Variants in STAG1 observed in about 807,000 individuals in gnomAD.
STAG1 encodes STAG1 cohesin complex component, also known as cohesin subunit SA-1.
In STAG1, 26 loss-of-function variants were observed where a neutral mutation model predicts 170.9. The observed-to-expected ratio is 0.15, with a 90% confidence interval of 0.11 to 0.21. The LOEUF is 0.21. STAG1 is among the 10% of genes least tolerant of loss of function. The pLI, the probability that STAG1 is intolerant of heterozygous loss-of-function variation, is 1.00. For synonymous variants in STAG1, 514 were observed against 497.7 expected (o/e 1.03, Z -0.44); for missense variants, 964 against 1,509.5 (o/e 0.64, Z 5.99).
intron 1 of STAG1, among the ~76,000 whole-genome samples, chr3:136,719,877 CTT>C (rs1278512656): frequency 1.3e-5 from 2 of 152,078 alleles, no homozygotes; most frequent in African/African-American, 4.8e-5. Context: ...ACAAGTGGCT[CTT>C]TTAAAACTGA....
chr3:136,469,478 T>C (rs1353401669), intron 12 of STAG1, among the ~76,000 whole-genome samples: 273 of 141,806 alleles, frequency 1.9e-3, no homozygotes, highest in Admixed American at 2.9e-3. Flanking sequence ...CTCAATGAAA[T>C]AAAAGACGAC....
At chr3:136,637,954 G>C (rs1407558285) in intron 1 of STAG1, among the ~76,000 whole-genome samples, 1 of 151,360 alleles carries the variant, frequency 6.6e-6, no homozygotes, top group Non-Finnish European at 1.5e-5. Context: ...GCTCCCTGCA[G>C]CCTCCAACTC....
At chr3:136,361,381 C>T (rs1936857243) in intron 26 of STAG1, among the ~76,000 whole-genome samples, 2 of 152,118 alleles carry the variant, frequency 1.3e-5, no homozygotes, top group South Asian at 4.1e-4. Flanking sequence ...AATAAAACAT[C>T]TTTTACATAT....
chr3:136,733,288 G>A (rs550750958), intron 1 of STAG1, among the ~76,000 whole-genome samples: 1 of 151,818 alleles, frequency 6.6e-6, no homozygotes, highest in East Asian at 1.9e-4. Flanking sequence ...GTTTCGCTAT[G>A]TTGCCCAGGC....
At position 136,585,188 on chromosome 3, in the gene STAG1, T is replaced by C. The variant is rs1006826159; in HGVS notation, c.298-16327A>G. Among the ~76,000 whole-genome samples, 13 of 152,288 alleles carry C rather than the reference T, an allele frequency of 8.5e-5. No homozygotes were observed. In the East Asian group the frequency reaches 2.3e-3, roughly 27 times the overall value. ...TGGGAGCACTGGCTCACACCTATAA[T>C]CCCAGCAATTTGGGAGGCCAAGATG... On this transcript the variant is annotated intron_variant, in intron 4 of 33. Coordinates refer to ENST00000383202, the MANE Select transcript of STAG1 (RefSeq NM_005862.3).
At chr3:136,675,600 G>C (rs1942107194) in intron 1 of STAG1, among the ~76,000 whole-genome samples, 1 of 152,144 alleles carries the variant, frequency 6.6e-6, no homozygotes, top group Admixed American at 6.5e-5. Flanking sequence ...ATACAATATA[G>C]TAGGTTTACT....
chr3:136,454,820 AT>A, intron 13 of STAG1, among the ~76,000 whole-genome samples: 1 of 152,284 alleles, frequency 6.6e-6, no homozygotes, highest in East Asian at 1.9e-4. Flanking sequence ...TTTTTGGATG[AT>A]TGGTTAATAT....
chr3:136,667,962 C>T (rs1264963431), intron 1 of STAG1, among the ~76,000 whole-genome samples: 2 of 151,702 alleles, frequency 1.3e-5, no homozygotes, highest in South Asian at 2.1e-4. Flanking sequence ...CTGAGGCAGG[C>T]GGATTGCTTG....
Position 136,421,229 on chromosome 3 carries a change from G to T in STAG1, c.2038-66C>A, listed in dbSNP as rs954876376. 2.4e-5 allele frequency: 23 copies of T among 978,688 alleles called. No homozygotes were observed. The African/African-American group carries it at 3.4e-4, about 14-fold the overall frequency. 60.6% of individuals were successfully genotyped at this position (978,688 alleles called of 1,614,324 possible). On this transcript the variant is annotated intron_variant, in intron 19 of 33. Coordinates refer to ENST00000383202, the MANE Select transcript of STAG1 (RefSeq NM_005862.3). Reference sequence around the variant, plus strand: ...ACCTTATAGTATATTACTACTTATTGCCTAAATAAAAATTCTTCTAAATTA... The same window carrying T: ...ACCTTATAGTATATTACTACTTATTTCCTAAATAAAAATTCTTCTAAATTA...
chr3:136,741,633 T>C (rs886989161), intron 1 of STAG1, among the ~76,000 whole-genome samples: 2 of 152,134 alleles, frequency 1.3e-5, no homozygotes, highest in Non-Finnish European at 2.9e-5. Flanking sequence ...AATGCCCGGC[T>C]AATTTTGTAT....
At chr3:136,356,468 A>C (rs1313720689) in intron 28 of STAG1, among the ~76,000 whole-genome samples, 1 of 151,276 alleles carries the variant, frequency 6.6e-6, no homozygotes, top group Admixed American at 6.6e-5. Flanking sequence ...GCAGCCTCAA[A>C]CTCCTGGGCT....
chr3:136,730,238 A>G (rs1933936966), intron 1 of STAG1, among the ~76,000 whole-genome samples: 1 of 152,160 alleles, frequency 6.6e-6, no homozygotes, highest in Non-Finnish European at 1.5e-5. Flanking sequence ...TGGTGACAAA[A>G]TAAGTATTGC....
chr3:136,542,094 T>C lies in STAG1; in HGVS notation c.471+25A>G, dbSNP rs200611143. On this transcript the variant is annotated intron_variant, in intron 6 of 33. Transcript: ENST00000383202. ...TCATGTGAAAGTATAAGTAAGCAAT[T>C]TGTATGAATATTGGAATGCTATACC... 10 of 1,550,312 alleles carry C rather than the reference T, an allele frequency of 6.5e-6. No homozygotes were observed. The Admixed American group carries it at 1.4e-4, about 21-fold the overall frequency.
intron 15 of STAG1, among the ~76,000 whole-genome samples, chr3:136,440,644 C>T (rs921810739): frequency 6.6e-6 from 1 of 151,888 alleles, no homozygotes; most frequent in African/African-American, 2.4e-5. Context: ...AGGCAGTAGA[C>T]ATTAGAGGGA....
chr3:136,710,671 T>C (rs986717540), intron 1 of STAG1, among the ~76,000 whole-genome samples: 1 of 152,060 alleles, frequency 6.6e-6, no homozygotes, highest in Non-Finnish European at 1.5e-5. Context: ...AAAATAAAGT[T>C]TGCCAAGAAG....
chr3:136,522,508 C>T (rs1934731353), intron 6 of STAG1, among the ~76,000 whole-genome samples: 1 of 151,262 alleles, frequency 6.6e-6, no homozygotes, highest in Admixed American at 6.6e-5. Flanking sequence ...ATCACAAAAC[C>T]CCACTATAGT....
At chr3:136,397,455 CTTTT>C (rs34980781) in intron 22 of STAG1, among the ~76,000 whole-genome samples, 2 of 149,532 alleles carry the variant, frequency 1.3e-5, no homozygotes, top group Non-Finnish European at 3.0e-5. Flanking sequence ...TTTTTTCTTT[CTTTT>C]TTTTTTACCA....
intron 1 of STAG1, among the ~76,000 whole-genome samples, chr3:136,686,802 G>A (rs1462868288): frequency 6.6e-6 from 1 of 152,106 alleles, no homozygotes; most frequent in East Asian, 1.9e-4. Context: ...AGTAAGTAGA[G>A]GCAGCAAATG....
chr3:136,351,550 C>T (rs573133641), intron 28 of STAG1, among the ~76,000 whole-genome samples: 73 of 152,258 alleles, frequency 4.8e-4, no homozygotes, highest in Non-Finnish European at 8.7e-4. Flanking sequence ...AAGCCACATA[C>T]GGATCTATCA....
Sources: allele counts gnomAD v4.1 joint callset (sites outside exome capture counted in the v4.1 genomes callset), GRCh38; gene constraint gnomAD v4.1.1; transcripts MANE v1.5; gene names NCBI Gene and HGNC (gene_info 2026-07-23, HGNC 2026-07-21).